NEK11: variants seen among roughly 807,000 people sequenced by gnomAD.
The protein encoded by NEK11 is serine/threonine-protein kinase Nek11.
Under a neutral mutation model 80.7 loss-of-function variants are expected in NEK11, and 72 were observed. The observed-to-expected ratio is 0.89, with a 90% CI of 0.74 to 1.08. The LOEUF (loss-of-function observed/expected upper bound fraction) is 1.08, where lower values mean the gene tolerates loss of function less well. NEK11 is among the 50% of genes least tolerant of loss of function. NEK11 has a pLI of 0.00. For synonymous variants in NEK11, 251 were observed against 260.7 expected (o/e 0.96, Z 0.36); for missense variants, 764 against 763.6 (o/e 1.00, Z -0.01).
intron 7 of NEK11, among the ~76,000 whole-genome samples, chr3:131,151,540 G>T (rs888899382): frequency 6.6e-6 from 1 of 152,018 alleles, no homozygotes; most frequent in Non-Finnish European, 1.5e-5. Context: ...CTTACACAAG[G>T]TCAATCACAA....
chr3:131,242,893 AT>A (rs1322167654), intron 15 of NEK11, among the ~76,000 whole-genome samples: 1 of 152,072 alleles, frequency 6.6e-6, no homozygotes, highest in Non-Finnish European at 1.5e-5. Context: ...CCCAACCGTT[AT>A]GGGGGAAGTC....
chr3:131,054,776 A>AT (rs2069092222), intron 3 of NEK11, among the ~76,000 whole-genome samples: 1 of 144,062 alleles, frequency 6.9e-6, no homozygotes, highest in Non-Finnish European at 1.5e-5. Flanking sequence ...AAATAAATAA[A>AT]TAAATAAATA....
intron 14 of NEK11, among the ~76,000 whole-genome samples, chr3:131,227,169 GCTGA>G (rs760734087): frequency 6.6e-6 from 1 of 152,104 alleles, no homozygotes; most frequent in Admixed American, 6.6e-5. Flanking sequence ...TGTCTTTTGA[GCTGA>G]CTAATTTTTA....
intron 6 of NEK11, among the ~76,000 whole-genome samples, 190 bp downstream of exon 6, chr3:131,132,999 C>G (rs115850852): frequency 3.3e-5 from 5 of 152,012 alleles, no homozygotes; most frequent in Admixed American, 2.0e-4. Flanking sequence ...ATGGGCCCAA[C>G]AAAACCTAAT....
intron 15 of NEK11, among the ~76,000 whole-genome samples, chr3:131,236,276 G>A (rs2095428733): frequency 6.6e-6 from 1 of 152,154 alleles, no homozygotes; most frequent in Non-Finnish European, 1.5e-5. Flanking sequence ...TTCTAGAAAT[G>A]GATTGTTGCA....
At chr3:131,346,365 T>C (rs1295524532) in intron 17 of NEK11, among the ~76,000 whole-genome samples, 6 of 151,912 alleles carry the variant, frequency 3.9e-5, no homozygotes, top group African/African-American at 1.4e-4. Flanking sequence ...AAGGAAAACA[T>C]TTGAAGTAGT....
At chr3:131,120,962 C>T (rs542352809) in intron 5 of NEK11, among the ~76,000 whole-genome samples, 18 of 152,296 alleles carry the variant, frequency 1.2e-4, no homozygotes, top group South Asian at 1.0e-3. Context: ...TATTACCTAT[C>T]GGCTGAACCC....
At chr3:131,332,272 C>G (rs1303721756) in intron 17 of NEK11, among the ~76,000 whole-genome samples, 1 of 152,204 alleles carries the variant, frequency 6.6e-6, no homozygotes, top group African/African-American at 2.4e-5. Flanking sequence ...GACAAAACTT[C>G]CAGAGGAACG....
chr3:131,109,976 A>G (rs1237416441), intron 5 of NEK11, 55 bp downstream of exon 5: 8 of 1,524,276 alleles, frequency 5.2e-6, no homozygotes, highest in Non-Finnish European at 6.1e-6. Context: ...TCATGTTTGA[A>G]CTTGAAAAGT....
chr3:131,158,587 G>A (rs1023065993), intron 10 of NEK11, among the ~76,000 whole-genome samples: 1 of 152,174 alleles, frequency 6.6e-6, no homozygotes, highest in African/African-American at 2.4e-5. Flanking sequence ...ATGCACAGAG[G>A]TTGCACACAG....
intron 4 of NEK11, among the ~76,000 whole-genome samples, chr3:131,086,440 A>T (rs2075989744): frequency 1.3e-5 from 2 of 152,184 alleles, no homozygotes; most frequent in Admixed American, 6.5e-5. Flanking sequence ...TTTTTCAGTT[A>T]TTTATTTATA....
chr3:131,104,948 A>T (rs570541052), intron 4 of NEK11, among the ~76,000 whole-genome samples: 1 of 152,202 alleles, frequency 6.6e-6, no homozygotes, highest in South Asian at 2.1e-4. Context: ...GCTCTGCACC[A>T]ATCCTGGGTG....
chr3:131,081,923 G>A lies in NEK11; in HGVS notation c.336+1335G>A, dbSNP rs201655960. 2.0e-5 allele frequency among the ~76,000 whole-genome samples: 3 copies of A among 152,348 alleles called. No homozygotes were observed. In the East Asian group the frequency reaches 5.8e-4, roughly 29 times the overall value. Reference sequence around the variant, plus strand: ...TTGCCTGCTTTACACATTAGCTGATGTATCACCCAAAATGAAACCAATAGC... The same window carrying A: ...TTGCCTGCTTTACACATTAGCTGATATATCACCCAAAATGAAACCAATAGC... On this transcript the variant is annotated intron_variant, in intron 4 of 17. Transcript: ENST00000383366.
chr3:131,057,775 A>C (rs1419026628), intron 3 of NEK11, among the ~76,000 whole-genome samples: 1 of 150,934 alleles, frequency 6.6e-6, no homozygotes, highest in African/African-American at 2.4e-5. Flanking sequence ...TTCATTGTAG[A>C]TTCTGGATAT....
chr3:131,112,718 G>C (rs986720325), intron 5 of NEK11, among the ~76,000 whole-genome samples: 7 of 152,126 alleles, frequency 4.6e-5, no homozygotes, highest in African/African-American at 1.7e-4. Flanking sequence ...TAGGTTTCAA[G>C]TATGATGAAA....
intron 17 of NEK11, among the ~76,000 whole-genome samples, chr3:131,302,435 G>A (rs2096671843): frequency 6.6e-6 from 1 of 152,064 alleles, no homozygotes; most frequent in Non-Finnish European, 1.5e-5. Flanking sequence ...AATTCTTGTA[G>A]TTGTGATGTT....
At chr3:131,177,715 A>T (rs2093113433) in intron 14 of NEK11, among the ~76,000 whole-genome samples, 1 of 152,206 alleles carries the variant, frequency 6.6e-6, no homozygotes, top group African/African-American at 2.4e-5. Context: ...AAAAACTGGG[A>T]TGTCTTTGTT....
chr3:131,333,978 G>C (rs1279436386), intron 17 of NEK11, among the ~76,000 whole-genome samples: 11 of 152,256 alleles, frequency 7.2e-5, no homozygotes, highest in Admixed American at 3.9e-4. Flanking sequence ...CAAGTCCTGA[G>C]TGACCTACAG....
chr3:131,252,624 C>T (rs944755863), intron 16 of NEK11, among the ~76,000 whole-genome samples: 2 of 152,098 alleles, frequency 1.3e-5, no homozygotes, highest in African/African-American at 4.8e-5. Flanking sequence ...GTGTATTAGT[C>T]TCCTTTATAG....
Sources: allele counts gnomAD v4.1 joint callset (sites outside exome capture counted in the v4.1 genomes callset), GRCh38; gene constraint gnomAD v4.1.1; transcripts MANE v1.5; gene names NCBI Gene and HGNC (gene_info 2026-07-23, HGNC 2026-07-21).